The following DNAH8 variants were observed in gnomAD, a reference collection of about 807,000 sequenced individuals.
DNAH8 encodes axonemal beta dynein heavy chain 8.
Under a neutral mutation model 562.1 loss-of-function variants are expected in DNAH8, and 382 were observed. That is an observed-to-expected ratio of 0.68 (90% CI 0.63 to 0.74). DNAH8 has a LOEUF of 0.74. DNAH8 is among the 30% of genes least tolerant of loss of function. The pLI is 0.00. For synonymous variants in DNAH8, 1,881 were observed against 1,919.4 expected, an observed-to-expected ratio of 0.98 and a Z score of 0.52; for missense variants, 5,203 against 5,620.4, an observed-to-expected ratio of 0.93 and a Z score of 2.37.
intron 1 of DNAH8, among the ~76,000 whole-genome samples, chr6:38,722,122 G>C (rs1030098919): frequency 4.6e-5 from 7 of 152,128 alleles, no homozygotes. Flanking sequence ...TTTCTGTTTA[G>C]GCAGGCTAGA....
rs1767596601 is a variant in DNAH8 at position 39,030,409 on chromosome 6, T to C, written c.*17T>C. The C allele has an allele frequency of 6.2e-7, 1 of 1,607,542 alleles. No homozygotes were observed. The highest frequency in any genetic ancestry group is 8.5e-7 in the Non-Finnish European group (1 of 1,176,082). On this transcript the variant is annotated 3_prime_UTR_variant, in exon 93 of 93. Transcript: ENST00000327475. ...ATCAAGTAAGTTCATTTCCATCTGCTCAGGGCACCAGAACCCACATAGACA... is the reference window on the plus strand; with the variant it reads ...ATCAAGTAAGTTCATTTCCATCTGCCCAGGGCACCAGAACCCACATAGACA...
intron 92 of DNAH8, among the ~76,000 whole-genome samples, chr6:39,028,767 T>G (rs1390849036): frequency 2.6e-5 from 4 of 152,204 alleles, no homozygotes; most frequent in African/African-American, 9.7e-5. Flanking sequence ...CCATTATTCA[T>G]GTAGTTGATT....
In DNAH8 at chr6:38,862,387, T is replaced by C. The variant is rs1776704936; in HGVS notation, c.6239T>C (p.Leu2080Ser). Residue 2080 changes from leucine (L) to serine (S), a missense_variant, in exon 44 of 93, where the codon TTG becomes TCG. Leu to Ser is a moderately radical substitution (Grantham distance 145). Transcript: ENST00000327475. ...ACCACAAAAGACATGGGAAGGTGTT[T>C]GGGAAAATATGTGGTCGTGTTCAAT... ...TETTKDMGRC[L>S]GKYVVVFNCS... is the part of the protein sequence containing the mutation. The C allele has an allele frequency of 1.2e-6, 2 of 1,614,140 alleles. No homozygotes were observed. The highest frequency in any genetic ancestry group is 1.7e-6 in the Non-Finnish European group (2 of 1,179,992).
intron 16 of DNAH8, among the ~76,000 whole-genome samples, chr6:38,782,700 C>G (rs956604701): frequency 6.6e-6 from 1 of 152,212 alleles, no homozygotes; most frequent in African/African-American, 2.4e-5. Flanking sequence ...TTGTCCAGAA[C>G]AGTGGGATGG....
intron 59 of DNAH8, among the ~76,000 whole-genome samples, chr6:38,895,632 A>G (rs887653252): frequency 6.6e-6 from 1 of 152,190 alleles, no homozygotes; most frequent in Admixed American, 6.5e-5. Flanking sequence ...AGTGTCTACC[A>G]TGTCTCACAC....
chr6:38,925,286 ATTATTTTATTTTATTTTATT>A (rs72056166), intron 73 of DNAH8, among the ~76,000 whole-genome samples: 425 of 130,004 alleles, frequency 3.3e-3, no homozygotes, highest in African/African-American at 7.0e-3. Flanking sequence ...TGGATCTCTG[ATTATTTTATTTTATTTTATT>A]TTATTTTATT....
chr6:38,990,893 T>C (rs1764740342), intron 88 of DNAH8, among the ~76,000 whole-genome samples: 1 of 152,236 alleles, frequency 6.6e-6, no homozygotes, highest in Non-Finnish European at 1.5e-5. Flanking sequence ...ATGGACCGCA[T>C]GTCCTCTGCA....
intron 73 of DNAH8, among the ~76,000 whole-genome samples, chr6:38,924,371 G>A (rs1479909185): frequency 6.6e-6 from 1 of 151,974 alleles, no homozygotes; most frequent in African/African-American, 2.4e-5. Context: ...AGTTAGCCGG[G>A]CATGATGGTG....
At chr6:38,980,218 G>C (rs1040102588) in intron 85 of DNAH8, among the ~76,000 whole-genome samples, 22 of 152,088 alleles carry the variant, frequency 1.4e-4, no homozygotes, top group African/African-American at 4.3e-4. Context: ...TTTCCCCCAA[G>C]GTGCAAAAGG....
In DNAH8 at chr6:38,982,386, A is replaced by G; in HGVS notation, c.12875A>G (p.Tyr4292Cys). The G allele has an allele frequency of 6.2e-7, 1 of 1,612,074 alleles. No individual in the cohort carries two copies. Among genetic ancestry groups the G allele is most frequent in the South Asian group, 1.1e-5 (1 of 90,966 alleles). Residue 4292 changes from tyrosine (Y) to cysteine (C), a missense_variant, in exon 86 of 93, where the codon TAC (tyrosine) becomes TGC (cysteine). By Grantham distance (194) the Tyr-to-Cys change is radical. Coordinates refer to ENST00000327475, the MANE Select transcript of DNAH8 (RefSeq NM_001206927.2). ...KFGPLGWNIP[Y>C]EFNSADFSAS... is the part of the protein sequence containing the mutation. ...GGCCCCTTAGGATGGAATATTCCCT[A>G]CGAATTCAATTCTGCTGACTTTTCA...
chr6:38,945,380 C>T, intron 79 of DNAH8, 87 bp from the exon 80 acceptor site: 3 of 1,358,564 alleles, frequency 2.2e-6, no homozygotes, highest in East Asian at 2.3e-5. Flanking sequence ...AGTAATGTGG[C>T]TATTTTGCTT....
intron 73 of DNAH8, among the ~76,000 whole-genome samples, chr6:38,925,286 ATTATTTTATT>A (rs72056166): frequency 0.24 from 31,732 of 129,636 alleles, 4,354 homozygotes; most frequent in Admixed American, 0.33. Flanking sequence ...TGGATCTCTG[ATTATTTTATT>A]TTATTTTATT....
chr6:38,821,573 A>G (rs1772843608), intron 26 of DNAH8, among the ~76,000 whole-genome samples: 1 of 152,176 alleles, frequency 6.6e-6, no homozygotes, highest in Non-Finnish European at 1.5e-5. Flanking sequence ...ACTTGGTTTT[A>G]TTTATTTAGA....
intron 89 of DNAH8, among the ~76,000 whole-genome samples, chr6:39,011,080 C>G (rs968577513): frequency 6.6e-6 from 1 of 152,128 alleles, no homozygotes; most frequent in African/African-American, 2.4e-5. Context: ...CCTATTCAGG[C>G]TGCCTATTTT....
At chr6:38,847,879 A>T (rs147726492) in intron 36 of DNAH8, among the ~76,000 whole-genome samples, 29 of 152,156 alleles carry the variant, frequency 1.9e-4, no homozygotes, top group Non-Finnish European at 3.4e-4. Context: ...AGCTTTCTGG[A>T]CCCCTTGTAT....
intron 47 of DNAH8, among the ~76,000 whole-genome samples, chr6:38,867,429 C>T (rs1777123469): frequency 6.6e-6 from 1 of 151,894 alleles, no homozygotes; most frequent in Non-Finnish European, 1.5e-5. Context: ...TAGTATGTAA[C>T]CTCTTGGTTA....
chr6:38,766,135 T>TTGTGTGTGTGTGTGTGTGTGTG (rs774448668), intron 11 of DNAH8, among the ~76,000 whole-genome samples: 6,036 of 128,802 alleles, frequency 0.047, 168 homozygotes, highest in Non-Finnish European at 0.068. Flanking sequence ...ATGTATGTGT[T>TTGTGTGTGTGTGTGTGTGTGTG]TGTATGTGTG....
intron 89 of DNAH8, 124 bp downstream of exon 89, chr6:39,009,094 A>C: frequency 1.6e-6 from 1 of 627,614 alleles, no homozygotes; most frequent in Admixed American, 2.8e-5. Context: ...CCTGTGTGAA[A>C]AATTTTGACT....
intron 74 of DNAH8, among the ~76,000 whole-genome samples, chr6:38,927,132 CA>C (rs758506436): frequency 6.6e-6 from 1 of 152,084 alleles, no homozygotes; most frequent in Non-Finnish European, 1.5e-5. Flanking sequence ...AGTGTGTCAT[CA>C]TTATAGAAAA....
Sources: gnomAD v4.1 joint callset for allele counts (sites outside exome capture counted in the v4.1 genomes callset) on GRCh38, gnomAD v4.1.1 for gene constraint, MANE v1.5 for transcripts, NCBI Gene and HGNC (gene_info 2026-07-23, HGNC 2026-07-21) for gene names.